The following C8orf34 variants were observed in gnomAD, a reference collection of about 807,000 sequenced individuals.
C8orf34 encodes uncharacterized protein C8orf34.
Under a neutral mutation model 68.3 loss-of-function variants are expected in C8orf34, and 65 were observed. That is an observed-to-expected ratio of 0.95 (90% CI 0.78 to 1.17). C8orf34 has a LOEUF of 1.17. C8orf34 is among the 50% of genes most tolerant of loss of function. The probability of loss-of-function intolerance (pLI) is 0.00; values close to 1 mark genes in which losing one functional copy is unlikely to be tolerated. For missense variants in C8orf34, 664 were observed against 655.4 expected (o/e 1.01, Z -0.14); for synonymous variants, 244 against 241.2 (o/e 1.01, Z -0.11).
intron 10 of C8orf34, among the ~76,000 whole-genome samples, chr8:68,755,786 G>T (rs1472346899): frequency 1.3e-5 from 2 of 152,116 alleles, no homozygotes; most frequent in African/African-American, 4.8e-5. Context: ...AACTGGCCAG[G>T]CGCGGTGGCT....
rs1812258441 is a variant in C8orf34, at chr8:68,468,816, TCG to T, written c.733_734del (p.Arg245LysfsTer7). The T allele has an allele frequency of 6.2e-7, 1 of 1,608,780 alleles. No individual in the cohort carries two copies. Among genetic ancestry groups the T allele is most frequent in the Non-Finnish European group, 8.5e-7 (1 of 1,178,096 alleles). The stretch of plus-strand genomic sequence containing the variant: ...TGGGGAAAGCCCTTGAGAATCTCTC[TCG>T]AAGTAAGTTCATTTACTTGATTATA... ...KLGKALENLS[R>X]SIAISDELDK... On this transcript the variant is annotated frameshift_variant and splice_region_variant, in exon 4 of 14. Coordinates refer to ENST00000518698, the MANE Select transcript of C8orf34 (RefSeq NM_052958.4). LOFTEE classifies it high-confidence loss of function.
chr8:68,553,575 GGTTA>G (rs906849934), intron 7 of C8orf34, among the ~76,000 whole-genome samples: 224 of 151,754 alleles, frequency 1.5e-3, no homozygotes, highest in African/African-American at 5.3e-3. Context: ...TTTTTAATTG[GGTTA>G]GTTTTGATAA....
chr8:68,599,487 T>C (rs1353925021), intron 7 of C8orf34, among the ~76,000 whole-genome samples: 2 of 151,944 alleles, frequency 1.3e-5, no homozygotes, highest in African/African-American at 2.4e-5. Flanking sequence ...CAGTGTTGTA[T>C]TGAACTAAGA....
intron 10 of C8orf34, among the ~76,000 whole-genome samples, chr8:68,769,966 G>A (rs1398837562): frequency 2.0e-5 from 3 of 152,126 alleles, no homozygotes; most frequent in African/African-American, 7.2e-5. Flanking sequence ...ATGGCTTTCT[G>A]ACTTGAAAGA....
At chr8:68,643,371 G>A (rs984415) in intron 8 of C8orf34, among the ~76,000 whole-genome samples, 9,846 of 152,218 alleles carry the variant, frequency 0.065, 436 homozygotes, top group African/African-American at 0.12. Flanking sequence ...ACAGAATCAC[G>A]GTGGGGAATG....
At chr8:68,769,621 A>C (rs185047961) in intron 10 of C8orf34, among the ~76,000 whole-genome samples, 2 of 152,280 alleles carry the variant, frequency 1.3e-5, no homozygotes, top group East Asian at 3.9e-4. Flanking sequence ...AACAATATCT[A>C]TTCACCAGTT....
At chr8:68,442,640 G>A (rs894806635) in intron 2 of C8orf34, among the ~76,000 whole-genome samples, 17 of 152,118 alleles carry the variant, frequency 1.1e-4, no homozygotes, top group Admixed American at 8.5e-4. Context: ...AAGGATACAA[G>A]CTGTGCTGAG....
intron 10 of C8orf34, among the ~76,000 whole-genome samples, chr8:68,769,558 T>C (rs1823280819): frequency 6.6e-6 from 1 of 152,190 alleles, no homozygotes; most frequent in South Asian, 2.1e-4. Flanking sequence ...AATAATTACT[T>C]ACAAACTCGA....
intron 9 of C8orf34, among the ~76,000 whole-genome samples, chr8:68,720,002 A>G (rs150818363): frequency 5.9e-4 from 89 of 152,074 alleles, no homozygotes; most frequent in African/African-American, 1.7e-3. Flanking sequence ...TGTCAGCTTT[A>G]CAATTGGGTT....
At chr8:68,369,443 T>A (rs1807461128) in intron 1 of C8orf34, among the ~76,000 whole-genome samples, 1 of 152,224 alleles carries the variant, frequency 6.6e-6, no homozygotes, top group East Asian at 1.9e-4. Flanking sequence ...CAGTCCCACA[T>A]TTTCTGTTTG....
intron 1 of C8orf34, among the ~76,000 whole-genome samples, chr8:68,386,207 C>T (rs1808253135): frequency 1.3e-5 from 2 of 152,090 alleles, no homozygotes; most frequent in South Asian, 4.1e-4. Flanking sequence ...CATACCCGGC[C>T]TATTTATTTT....
chr8:68,389,475 T>C (rs1808392959), intron 1 of C8orf34, among the ~76,000 whole-genome samples: 1 of 152,130 alleles, frequency 6.6e-6, no homozygotes, highest in Non-Finnish European at 1.5e-5. Flanking sequence ...TGGAATGAAA[T>C]AGATGATTGG....
chr8:68,569,556 T>G (rs1369529959), intron 7 of C8orf34, among the ~76,000 whole-genome samples: 2 of 152,194 alleles, frequency 1.3e-5, no homozygotes, highest in African/African-American at 4.8e-5. Context: ...ACCAAAACCA[T>G]ACCTGTGACT....
At chr8:68,759,350 A>G (rs1390821938) in intron 10 of C8orf34, among the ~76,000 whole-genome samples, 2 of 152,224 alleles carry the variant, frequency 1.3e-5, no homozygotes, top group East Asian at 3.9e-4. Context: ...TCAAATAAAA[A>G]CAACAGTAGA....
intron 9 of C8orf34, among the ~76,000 whole-genome samples, chr8:68,719,992 T>A (rs1475014799): frequency 6.6e-6 from 1 of 151,978 alleles, no homozygotes; most frequent in Non-Finnish European, 1.5e-5. Flanking sequence ...ACAAATTTAT[T>A]GTCAGCTTTA....
At chr8:68,451,453 A>T (rs1052312134) in intron 3 of C8orf34, among the ~76,000 whole-genome samples, 5 of 152,110 alleles carry the variant, frequency 3.3e-5, no homozygotes, top group African/African-American at 1.2e-4. Flanking sequence ...ACTAAGCTTA[A>T]TCATTTCTAT....
chr8:68,397,704 A>T (rs1205315670), intron 1 of C8orf34, among the ~76,000 whole-genome samples: 1 of 152,110 alleles, frequency 6.6e-6, no homozygotes, highest in Non-Finnish European at 1.5e-5. Context: ...CGTTTGAAAC[A>T]ATCTGTTGAA....
intron 1 of C8orf34, among the ~76,000 whole-genome samples, chr8:68,359,654 C>T (rs773349650): frequency 1.1e-4 from 16 of 152,122 alleles, no homozygotes; most frequent in Admixed American, 4.6e-4. Flanking sequence ...ACCCCTCTCT[C>T]TTTTTAAGGC....
chr8:68,692,986 A>G (rs1820726925), intron 8 of C8orf34, among the ~76,000 whole-genome samples: 2 of 152,234 alleles, frequency 1.3e-5, no homozygotes, highest in South Asian at 2.1e-4. Flanking sequence ...AGAAACCTAG[A>G]GAGAGACTTT....
Sources: gnomAD v4.1 joint callset for allele counts (sites outside exome capture counted in the v4.1 genomes callset) on GRCh38, gnomAD v4.1.1 for gene constraint, MANE v1.5 for transcripts, NCBI Gene and HGNC (gene_info 2026-07-23, HGNC 2026-07-21) for gene names.